The following PTGFR variants were observed in gnomAD, a reference collection of about 807,000 sequenced individuals.
PTGFR encodes the protein prostaglandin F receptor, also known as prostaglandin F2-alpha receptor.
PTGFR carries 15 observed loss-of-function variants against 26.2 expected under a neutral mutation model. The ratio of observed to expected loss-of-function variants is 0.57; its 90% CI spans 0.38 to 0.88. The LOEUF (loss-of-function observed/expected upper bound fraction) is 0.88, where lower values mean the gene tolerates loss of function less well. Among genes scored for constraint, PTGFR ranks in the 40% least tolerant of loss-of-function variants. The pLI is 0.00. For synonymous variants in PTGFR, 165 were observed against 151.1 expected, an observed-to-expected ratio of 1.09 and a Z score of -0.68; for missense variants, 369 against 427.2, an observed-to-expected ratio of 0.86 and a Z score of 1.20.
rs1308305163 is a variant in PTGFR, at chr1:78,537,446, G to C, written c.*759G>C. On this transcript the variant is annotated 3_prime_UTR_variant, in exon 3 of 3. Coordinates refer to ENST00000370757, the MANE Select transcript of PTGFR (RefSeq NM_000959.4). ...ATAAATAATTTTTAGAGAAACAAAG[G>C]CTCTTTCTCAGCACATTGATGGGCA... 1 of 152,022 alleles carries C rather than the reference G, an allele frequency of 6.6e-6. No individual in the cohort carries two copies. The highest frequency in any genetic ancestry group is 6.6e-5 in the Admixed American group (1 of 15,228). The allele number at this position is 152,022 out of a possible 1,614,324, so 9.4% of individuals were successfully genotyped here.
At chr1:78,518,592 ACAC>A (rs1650149644) in intron 2 of PTGFR, among the ~76,000 whole-genome samples, 3 of 139,082 alleles carry the variant, frequency 2.2e-5, no homozygotes, top group African/African-American at 8.5e-5. Context: ...ACACACACAC[ACAC>A]ACACACACAC....
At position 78,493,327 on chromosome 1, in the gene PTGFR, A is replaced by T; in HGVS notation, c.584A>T (p.Asp195Val). The T allele has an allele frequency of 6.2e-7, 1 of 1,614,178 alleles. No homozygotes were observed. Among genetic ancestry groups the T allele is most frequent in the Non-Finnish European group, 8.5e-7 (1 of 1,180,026 alleles). The change falls in exon 2 of 3, where the codon GAC becomes GTC. Residue 195 changes from aspartate (D) to valine (V), a missense_variant. Coordinates refer to ENST00000370757, the MANE Select transcript of PTGFR (RefSeq NM_000959.4). ...WCFYNTEDIK[D>V]WEDRFYLLLF... The stretch of plus-strand genomic sequence containing the variant: ...TTCTACAACACAGAAGACATCAAAG[A>T]CTGGGAAGATAGATTTTATCTTCTA...
intron 2 of PTGFR, among the ~76,000 whole-genome samples, chr1:78,502,503 G>A (rs1649732981): frequency 6.6e-6 from 1 of 152,102 alleles, no homozygotes; most frequent in South Asian, 2.1e-4. Flanking sequence ...ATTAAATAAT[G>A]TTTGTAAAGC....
intron 2 of PTGFR, among the ~76,000 whole-genome samples, chr1:78,519,607 A>G (rs1199310060): frequency 1.3e-5 from 2 of 152,156 alleles, no homozygotes; most frequent in Non-Finnish European, 2.9e-5. Flanking sequence ...GGATACAAAC[A>G]TGACTAAAAT....
intron 2 of PTGFR, among the ~76,000 whole-genome samples, chr1:78,523,822 C>G (rs1045823761): frequency 2.6e-5 from 4 of 152,072 alleles, no homozygotes; most frequent in Non-Finnish European, 5.9e-5. Context: ...CTGCATTTCA[C>G]TGTTTAAAGA....
intron 2 of PTGFR, among the ~76,000 whole-genome samples, chr1:78,496,694 A>G (rs1363300335): frequency 6.6e-6 from 1 of 152,162 alleles, no homozygotes; most frequent in Admixed American, 6.6e-5. Flanking sequence ...GTATAAATTG[A>G]AATTTATATT....
intron 2 of PTGFR, chr1:78,497,852 G>A (rs563366615): frequency 1.3e-6 from 2 of 1,515,062 alleles, no homozygotes; most frequent in African/African-American, 2.8e-5. Flanking sequence ...AAGGCCATAT[G>A]TTTGTTTTAC....
intron 1 of PTGFR, 110 bp from the exon 2 acceptor site, chr1:78,492,562 T>C: frequency 3.4e-6 from 2 of 591,728 alleles, no homozygotes; most frequent in Non-Finnish European, 5.8e-6. Context: ...ACCTTGCTTA[T>C]GATAGGCCAG....
intron 2 of PTGFR, chr1:78,497,752 G>T (rs1322934): frequency 2.9e-6 from 2 of 686,528 alleles, no homozygotes; most frequent in Non-Finnish European, 5.1e-6. Flanking sequence ...CAGCCAAGCA[G>T]ACTCTGAAAC....
At chr1:78,491,304 TCACCCCCTGAGA>T (rs1649389147) in intron 1 of PTGFR, 68 bp downstream of exon 1, 1 of 152,456 alleles carries the variant, frequency 6.6e-6, no homozygotes, top group Non-Finnish European at 1.5e-5. Context: ...TTTAATCAAC[TCACCCCCTGAGA>T]CACCCAGCCA....
rs560601727 is a variant in PTGFR at position 78,495,652 on chromosome 1, G to T, written c.798+2111G>T. 1.1e-3 allele frequency among the ~76,000 whole-genome samples: 163 copies of T among 152,190 alleles called. 1 individual carries two copies. Among genetic ancestry groups the T allele is most frequent in the Non-Finnish European group, 9.9e-4 (67 of 68,010 alleles). On this transcript the variant is annotated intron_variant, in intron 2 of 2. Coordinates refer to ENST00000370757, the MANE Select transcript of PTGFR (RefSeq NM_000959.4). The stretch of plus-strand genomic sequence containing the variant: ...GTATTTTGTTTTTTGTTTATTCTGA[G>T]GCATCTTAAAAATTCTGTTGAGTTA...
At chr1:78,498,601 C>A (rs1649619062) in intron 2 of PTGFR, among the ~76,000 whole-genome samples, 1 of 152,120 alleles carries the variant, frequency 6.6e-6, no homozygotes, top group Non-Finnish European at 1.5e-5. Flanking sequence ...CTAATAGATA[C>A]TGTGTTCACT....
At chr1:78,525,513 T>C (rs1650349123) in intron 2 of PTGFR, among the ~76,000 whole-genome samples, 1 of 152,064 alleles carries the variant, frequency 6.6e-6, no homozygotes, top group Non-Finnish European at 1.5e-5. Context: ...CCTCCTACTA[T>C]ATTAATGGGT....
At chr1:78,531,922 C>A (rs1321748298) in intron 2 of PTGFR, among the ~76,000 whole-genome samples, 1 of 152,022 alleles carries the variant, frequency 6.6e-6, no homozygotes, top group Non-Finnish European at 1.5e-5. Context: ...ACATATTATA[C>A]TGATATTATG....
chr1:78,532,214 G>A lies in PTGFR; in HGVS notation c.799-4192G>A, dbSNP rs185073129. 109 of 405,740 alleles carry A rather than the reference G, an allele frequency of 2.7e-4. 1 individual carries two copies. The highest frequency in any genetic ancestry group is 2.1e-3 in the Admixed American group (70 of 34,052). 25.1% of individuals were successfully genotyped at this position (405,740 alleles called of 1,614,324 possible). On this transcript the variant is annotated intron_variant, in intron 2 of 2. Coordinates refer to ENST00000370757, the MANE Select transcript of PTGFR (RefSeq NM_000959.4). ...ATAATATGATGTTTGCTTTTAAAGC[G>A]ATAAGACACTCAACGAGAAATGACA...
At chr1:78,514,721 G>A (rs1186298514) in intron 2 of PTGFR, among the ~76,000 whole-genome samples, 1 of 152,176 alleles carries the variant, frequency 6.6e-6, no homozygotes, top group Non-Finnish European at 1.5e-5. Flanking sequence ...GATTCCTAAA[G>A]TTGGAGGTGC....
chr1:78,522,947 G>A (rs1650281927), intron 2 of PTGFR, among the ~76,000 whole-genome samples: 1 of 152,120 alleles, frequency 6.6e-6, no homozygotes, highest in Admixed American at 6.6e-5. Flanking sequence ...TTTTAACTAT[G>A]TAATTATTAT....
chr1:78,530,016 G>C (rs777769809), intron 2 of PTGFR, among the ~76,000 whole-genome samples: 3 of 152,118 alleles, frequency 2.0e-5, no homozygotes, highest in Non-Finnish European at 4.4e-5. Context: ...CATGAAACTG[G>C]TCTCTGGTGC....
At chr1:78,515,166 C>T (rs1276187648) in intron 2 of PTGFR, among the ~76,000 whole-genome samples, 1 of 152,032 alleles carries the variant, frequency 6.6e-6, no homozygotes, top group Non-Finnish European at 1.5e-5. Flanking sequence ...TGGAATTAAT[C>T]TCATTTTTCT....
Sources: gnomAD v4.1 joint callset for allele counts (sites outside exome capture counted in the v4.1 genomes callset) on GRCh38, gnomAD v4.1.1 for gene constraint, MANE v1.5 for transcripts, NCBI Gene and HGNC (gene_info 2026-07-23, HGNC 2026-07-21) for gene names.